RIMS1: variants seen among roughly 807,000 people sequenced by gnomAD.
The protein encoded by RIMS1 is regulating synaptic membrane exocytosis protein 1.
In RIMS1, 83 loss-of-function variants were observed where a neutral mutation model predicts 214.1. The ratio of observed to expected loss-of-function variants is 0.39; its 90% confidence interval spans 0.32 to 0.47. RIMS1 has a LOEUF of 0.47. RIMS1 is among the 20% of genes least tolerant of loss of function. The pLI, the probability that RIMS1 is intolerant of heterozygous loss-of-function variation, is 0.99. For synonymous variants in RIMS1, 793 were observed against 786.8 expected, an observed-to-expected ratio of 1.01 and a Z score of -0.13; for missense variants, 2,050 against 2,161.8, an observed-to-expected ratio of 0.95 and a Z score of 1.03.
intron 6 of RIMS1, among the ~76,000 whole-genome samples, chr6:72,225,117 G>A (rs2059796811): frequency 6.6e-6 from 1 of 152,004 alleles, no homozygotes; most frequent in Non-Finnish European, 1.5e-5. Flanking sequence ...CAAAAAATAA[G>A]TAGAATAAAA....
intron 17 of RIMS1, 59 bp downstream of exon 17, chr6:72,258,340 A>G (rs754984164): frequency 1.4e-6 from 2 of 1,409,800 alleles, no homozygotes; most frequent in Admixed American, 2.1e-5. Flanking sequence ...AATGCAGTGT[A>G]AATTGCTGCA....
At chr6:72,144,182 A>T (rs1393291324) in intron 4 of RIMS1, among the ~76,000 whole-genome samples, 1 of 152,242 alleles carries the variant, frequency 6.6e-6, no homozygotes, top group Non-Finnish European at 1.5e-5. Flanking sequence ...TTATTCAAGC[A>T]GTTGGCCATT....
intron 23 of RIMS1, among the ~76,000 whole-genome samples, chr6:72,280,949 CCTG>C (rs2089820219): frequency 6.6e-6 from 1 of 152,010 alleles, no homozygotes; most frequent in Admixed American, 6.6e-5. Context: ...ATTAGCAAAA[CCTG>C]TGTGTGTGTG....
At chr6:72,023,660 G>C (rs1188438195) in intron 2 of RIMS1, among the ~76,000 whole-genome samples, 1 of 151,846 alleles carries the variant, frequency 6.6e-6, no homozygotes, top group Non-Finnish European at 1.5e-5. Context: ...GCTATTTGTA[G>C]CTAAGTCAAG....
intron 17 of RIMS1, 96 bp downstream of exon 17, chr6:72,258,377 T>C: frequency 7.9e-7 from 1 of 1,257,956 alleles, no homozygotes; most frequent in Non-Finnish European, 1.1e-6. Context: ...AAAAATAGTT[T>C]GGTCAAATTA....
At chr6:72,217,225 A>G (rs1312237136) in intron 6 of RIMS1, 1 of 1,536,484 alleles carries the variant, frequency 6.5e-7, no homozygotes, top group African/African-American at 1.4e-5. Context: ...ACTACTTCAT[A>G]CATTGCACTC....
At chr6:71,897,043 A>G (rs1296461387) in intron 1 of RIMS1, among the ~76,000 whole-genome samples, 1 of 152,154 alleles carries the variant, frequency 6.6e-6, no homozygotes, top group Non-Finnish European at 1.5e-5. Flanking sequence ...GTGTCCTGTT[A>G]TAAATTTCTT....
chr6:72,118,741 G>A (rs2037600256), intron 4 of RIMS1, among the ~76,000 whole-genome samples: 1 of 151,610 alleles, frequency 6.6e-6, no homozygotes, highest in Non-Finnish European at 1.5e-5. Flanking sequence ...TATCTCAATA[G>A]ATGTAGAAAA....
rs183874267 is a variant in RIMS1, at chr6:72,059,350, C to T, written c.246-37599C>T. On this transcript the variant is annotated intron_variant, in intron 2 of 33. Coordinates refer to ENST00000521978, the MANE Select transcript of RIMS1 (RefSeq NM_014989.7). ...CAAGCAATCCTCCCTCCTCTGCCTC[C>T]TGAGTAGCTTGAAACCACAGGTTTC... is the stretch of plus-strand genomic sequence containing the variant. 9.9e-5 allele frequency among the ~76,000 whole-genome samples: 15 copies of T among 152,284 alleles called. No homozygotes were observed. The East Asian group carries it at 2.9e-3, about 29-fold the overall frequency.
intron 23 of RIMS1, 36 bp from the exon 24 acceptor site, chr6:72,284,011 C>G: frequency 6.6e-7 from 1 of 1,510,882 alleles, no homozygotes; most frequent in Non-Finnish European, 9.2e-7. Flanking sequence ...TAGCTTTATT[C>G]ATCATATATT....
At chr6:72,162,293 G>A (rs1454836780) in intron 4 of RIMS1, among the ~76,000 whole-genome samples, 1 of 140,342 alleles carries the variant, frequency 7.1e-6, no homozygotes, top group African/African-American at 2.5e-5. Context: ...CTGCATGTGA[G>A]ATGGGTTTCC....
chr6:72,047,729 A>G (rs571206081), intron 2 of RIMS1, among the ~76,000 whole-genome samples: 1 of 152,302 alleles, frequency 6.6e-6, no homozygotes, highest in Non-Finnish European at 1.5e-5. Context: ...ACAAACAAGA[A>G]GTTAGTATCA....
intron 1 of RIMS1, among the ~76,000 whole-genome samples, chr6:71,911,912 A>G (rs761740423): frequency 3.3e-5 from 5 of 152,134 alleles, no homozygotes; most frequent in African/African-American, 9.7e-5. Flanking sequence ...ACCTTGGTTT[A>G]AGACCCCTGG....
At chr6:72,346,267 G>A (rs571850807) in intron 29 of RIMS1, among the ~76,000 whole-genome samples, 1 of 151,864 alleles carries the variant, frequency 6.6e-6, no homozygotes, top group Admixed American at 6.6e-5. Context: ...CAGTGACATC[G>A]TTCATGAATA....
intron 29 of RIMS1, among the ~76,000 whole-genome samples, chr6:72,381,083 TCG>T (rs1426750617): frequency 6.6e-6 from 1 of 152,224 alleles, no homozygotes; most frequent in Non-Finnish European, 1.5e-5. Context: ...TTCTTAACAT[TCG>T]AGAGGTCAAA....
Position 72,264,022 on chromosome 6 carries a change from T to A in RIMS1, c.3117-953T>A, listed in dbSNP as rs1227730616. 5.3e-6 allele frequency: 4 copies of A among 753,608 alleles called. No individual in the cohort carries two copies. In the East Asian group the frequency reaches 5.1e-4, roughly 97 times the overall value. The allele number at this position is 753,608 out of a possible 1,614,324, so 46.7% of individuals were successfully genotyped here. ...AAAGAAAAGAAAAGAAAATGGCATT[T>A]TAGTTCATTTTTTAATTGAAGTTTT... On this transcript the variant is annotated intron_variant, in intron 19 of 33. Coordinates refer to ENST00000521978, the MANE Select transcript of RIMS1 (RefSeq NM_014989.7).
chr6:72,337,306 A>T (rs1289251388), intron 29 of RIMS1, among the ~76,000 whole-genome samples: 1 of 151,814 alleles, frequency 6.6e-6, no homozygotes, highest in African/African-American at 2.4e-5. Flanking sequence ...ATAATATCCT[A>T]TATCTTCTCC....
chr6:72,339,450 C>G (rs1158323870), intron 29 of RIMS1, among the ~76,000 whole-genome samples: 1 of 151,166 alleles, frequency 6.6e-6, no homozygotes, highest in Non-Finnish European at 1.5e-5. Context: ...CACCCCACAA[C>G]AGTCCCCAGT....
At chr6:72,008,706 A>C (rs1808902786) in intron 2 of RIMS1, among the ~76,000 whole-genome samples, 1 of 152,192 alleles carries the variant, frequency 6.6e-6, no homozygotes, top group Non-Finnish European at 1.5e-5. Flanking sequence ...GTAAACCAAC[A>C]AACATCGAAA....
Sources: gnomAD v4.1 joint callset for allele counts (sites outside exome capture counted in the v4.1 genomes callset) on GRCh38, gnomAD v4.1.1 for gene constraint, MANE v1.5 for transcripts, NCBI Gene and HGNC (gene_info 2026-07-23, HGNC 2026-07-21) for gene names.